Variants in RTN4RL2 observed in about 807,000 individuals in gnomAD.
The protein encoded by RTN4RL2 is reticulon-4 receptor-like 2.
RTN4RL2 carries 9 observed loss-of-function variants against 27.8 expected under a neutral mutation model. The observed-to-expected ratio is 0.32, with a 90% CI of 0.20 to 0.57. RTN4RL2 has a LOEUF of 0.57. RTN4RL2 is among the 20% of genes least tolerant of loss of function. RTN4RL2 has a pLI of 0.90. For synonymous variants in RTN4RL2, 285 were observed against 297.9 expected (o/e 0.96, Z 0.45); for missense variants, 436 against 596.8 (o/e 0.73, Z 2.81).
intron 1 of RTN4RL2, among the ~76,000 whole-genome samples, chr11:57,464,842 G>A (rs763836046): frequency 3.9e-5 from 6 of 152,302 alleles, no homozygotes; most frequent in South Asian, 2.1e-4. Context: ...TCCACCCCAC[G>A]TGGGTCTAAG....
At chr11:57,471,824 A>C (rs889849833) in intron 2 of RTN4RL2, among the ~76,000 whole-genome samples, 1 of 152,086 alleles carries the variant, frequency 6.6e-6, no homozygotes. Flanking sequence ...CATATTCCCT[A>C]CTCAAGTGTA....
Position 57,476,989 on chromosome 11 carries a change from C to A in RTN4RL2, c.*78C>A. ...CCGGGGCTGCGGCTCCGGCCCCAGT[C>A]GCCCCACCTTCCCTGGCCTTGCTGC... On this transcript the variant is annotated 3_prime_UTR_variant, in exon 3 of 3. Coordinates refer to ENST00000335099, the MANE Select transcript of RTN4RL2 (RefSeq NM_178570.3). This position sits in a 1 kb window ranked among gnomAD's most constrained non-coding sequence, Gnocchi z 8.2. 7.1e-7 allele frequency: 1 copy of A among 1,413,436 alleles called. No homozygotes were observed. Among genetic ancestry groups the A allele is most frequent in the Non-Finnish European group, 9.4e-7 (1 of 1,066,616 alleles). The allele number at this position is 1,413,436 out of a possible 1,614,324, so 87.6% of individuals were successfully genotyped here. A position where few individuals can be genotyped will look rare whatever the true frequency, so the allele number is the denominator to read the frequency against.
intron 1 of RTN4RL2, among the ~76,000 whole-genome samples, chr11:57,465,405 A>G (rs72925922): frequency 0.05 from 7,602 of 152,084 alleles, 258 homozygotes; most frequent in East Asian, 0.072. Context: ...AAAATCACCA[A>G]CCCCTCAGTC....
In RTN4RL2 at chr11:57,467,793, C is replaced by T; in HGVS notation, c.216C>T (p.Ile72=). 1 of 1,614,174 alleles carries T rather than the reference C, an allele frequency of 6.2e-7. No homozygotes were observed. The highest frequency in any genetic ancestry group is 8.5e-7 in the Non-Finnish European group (1 of 1,180,028). ...GACTCTTCCTGCAGAACAACCTCAT[C>T]CGCACGCTGCGGCCAGGCACCTTTG... ...TQRLFLQNNL[I]RTLRPGTFGS... Residue 72 remains isoleucine, a synonymous_variant, in exon 2 of 3, where the codon ATC becomes ATT. Transcript: ENST00000335099. This position sits in a 1 kb window ranked among gnomAD's most constrained non-coding sequence, Gnocchi z 5.5.
chr11:57,468,189 C>T (rs926208003), intron 2 of RTN4RL2, 99 bp downstream of exon 2: 16 of 1,260,988 alleles, frequency 1.3e-5, no homozygotes, highest in Non-Finnish European at 1.8e-5. Flanking sequence ...CCTCTCTCCC[C>T]AGGCCACCCT....
In RTN4RL2 at chr11:57,465,100, G is replaced by A. The variant is rs540940799; in HGVS notation, c.32-2509G>A. 3.9e-5 allele frequency among the ~76,000 whole-genome samples: 6 copies of A among 152,280 alleles called. 1 individual carries two copies. The highest frequency in any genetic ancestry group is 2.6e-4 in the Admixed American group (4 of 15,300). On this transcript the variant is annotated intron_variant, in intron 1 of 2. Coordinates refer to ENST00000335099, the MANE Select transcript of RTN4RL2 (RefSeq NM_178570.3). ...GACACTCACGGTGGGGCCCAAAAGCGAGGAGCAGCACACTGGGAGTGTGGA... is the reference window on the plus strand; with the variant it reads ...GACACTCACGGTGGGGCCCAAAAGCAAGGAGCAGCACACTGGGAGTGTGGA...
chr11:57,476,096 C>T lies in RTN4RL2; in HGVS notation c.514-66C>T. ...CCCCTTCCCTCCCCCGGCCAAGGCC[C>T]CAGCGGGGTCTGCACCCTACCTCAG... On this transcript the variant is annotated intron_variant, in intron 2 of 2. Transcript: ENST00000335099. This position sits in a 1 kb window ranked among gnomAD's most constrained non-coding sequence, Gnocchi z 8.2. 1 of 1,491,366 alleles carries T rather than the reference C, an allele frequency of 6.7e-7. No homozygotes were observed. The highest frequency in any genetic ancestry group is 9.1e-7 in the Non-Finnish European group (1 of 1,101,822). The allele number at this position is 1,491,366 out of a possible 1,614,324, so 92.4% of individuals were successfully genotyped here.
intron 2 of RTN4RL2, among the ~76,000 whole-genome samples, chr11:57,474,020 A>C (rs1435234546): frequency 6.7e-6 from 1 of 150,162 alleles, no homozygotes; most frequent in Non-Finnish European, 1.5e-5. Context: ...GGTGTGTCCT[A>C]CTCTTGCTGA....
chr11:57,469,144 A>G (rs1293680326), intron 2 of RTN4RL2, among the ~76,000 whole-genome samples: 1 of 152,202 alleles, frequency 6.6e-6, no homozygotes, highest in Non-Finnish European at 1.5e-5. Flanking sequence ...TGATGATGCT[A>G]ATGATAATAA....
chr11:57,473,550 G>A (rs1210875217), intron 2 of RTN4RL2, among the ~76,000 whole-genome samples: 1 of 140,042 alleles, frequency 7.1e-6, no homozygotes, highest in Non-Finnish European at 1.5e-5. Context: ...CTTTAGCAGA[G>A]GCTCTCAGCC....
intron 1 of RTN4RL2, among the ~76,000 whole-genome samples, chr11:57,461,547 G>A (rs1943485852): frequency 6.6e-6 from 1 of 151,692 alleles, no homozygotes; most frequent in African/African-American, 2.4e-5. Context: ...GGGAGGGGGA[G>A]AAGGAATAAA....
Position 57,471,864 on chromosome 11 carries a change from C to CT in RTN4RL2, c.513+3786dup, listed in dbSNP as rs201449503. 6.1e-3 allele frequency among the ~76,000 whole-genome samples: 894 copies of CT among 147,294 alleles called. 5 individuals are homozygous for CT. The highest frequency in any genetic ancestry group is 7.3e-3 in the African/African-American group (295 of 40,506). The stretch of plus-strand genomic sequence containing the variant: ...GATGATAAAGACACTTGTTTTCTTT[C>CT]TTTTTTTTTTTTGAGACGAAGTCTC... On this transcript the variant is annotated intron_variant, in intron 2 of 2. Transcript: ENST00000335099.
chr11:57,476,520 C>G lies in RTN4RL2; in HGVS notation c.872C>G (p.Pro291Arg), dbSNP rs1943597062. The change falls in exon 3 of 3, where the codon CCC (proline) becomes CGC (arginine). Residue 291 changes from proline (P) to arginine (R), a missense_variant. Coordinates refer to ENST00000335099, the MANE Select transcript of RTN4RL2 (RefSeq NM_178570.3). This position sits in a 1 kb window ranked among gnomAD's most constrained non-coding sequence, Gnocchi z 8.2. Reference sequence around the variant, plus strand: ...AGCTCCGACGTGACCTGCGCCACCCCCCCGGAGCGCCAGGGCCGAGACCTG... The same window carrying G: ...AGCTCCGACGTGACCTGCGCCACCCGCCCGGAGCGCCAGGGCCGAGACCTG... ...VSSSDVTCAT[P>R]PERQGRDLRA... 1 of 1,456,504 alleles carries G rather than the reference C, an allele frequency of 6.9e-7. No individual in the cohort carries two copies. Among genetic ancestry groups the G allele is most frequent in the Non-Finnish European group, 9.0e-7 (1 of 1,114,122 alleles). The allele number at this position is 1,456,504 out of a possible 1,614,324, so 90.2% of individuals were successfully genotyped here. A position where few individuals can be genotyped will look rare whatever the true frequency, so the allele number is the denominator to read the frequency against.
At chr11:57,470,575 T>TAAGGATTAAAATGTAAGGCATTTAGCAC (rs367874418) in intron 2 of RTN4RL2, among the ~76,000 whole-genome samples, 1 of 152,078 alleles carries the variant, frequency 6.6e-6, no homozygotes, top group South Asian at 2.1e-4. Flanking sequence ...AGAAGTTTTG[T>TAAGGATTAAAATGTAAGGCATTTAGCAC]AAGGATTAAA....
chr11:57,466,644 C>A (rs1474936466), intron 1 of RTN4RL2, among the ~76,000 whole-genome samples: 3 of 152,150 alleles, frequency 2.0e-5, no homozygotes, highest in Non-Finnish European at 4.4e-5. Flanking sequence ...GAGGCTCTGA[C>A]TCTGCAAGGG....
chr11:57,471,491 A>G (rs562355270), intron 2 of RTN4RL2, among the ~76,000 whole-genome samples: 1 of 152,318 alleles, frequency 6.6e-6, no homozygotes, highest in African/African-American at 2.4e-5. Context: ...TATAGAGGAG[A>G]TGGAAAACAC....
intron 2 of RTN4RL2, among the ~76,000 whole-genome samples, chr11:57,470,921 A>C (rs1331438103): frequency 6.6e-6 from 1 of 152,108 alleles, no homozygotes; most frequent in African/African-American, 2.4e-5. Context: ...TGTAAATAGG[A>C]AACGAGTTAG....
chr11:57,465,525 T>G (rs1180702572), intron 1 of RTN4RL2, among the ~76,000 whole-genome samples: 1 of 152,198 alleles, frequency 6.6e-6, no homozygotes, highest in Non-Finnish European at 1.5e-5. Context: ...GCAGAAGGTG[T>G]TCAGTCACTG....
At chr11:57,468,651 C>T (rs1230893156) in intron 2 of RTN4RL2, 83 of 1,536,152 alleles carry the variant, frequency 5.4e-5, no homozygotes, top group Non-Finnish European at 5.8e-5. Context: ...GAAGGCAGAG[C>T]CACAGCCACT....
Sources: gnomAD v4.1 joint callset for allele counts (sites outside exome capture counted in the v4.1 genomes callset) on GRCh38, gnomAD v4.1.1 for gene constraint, Gnocchi (gnomAD v3.1) non-coding constraint, MANE v1.5 for transcripts, NCBI Gene and HGNC (gene_info 2026-07-23, HGNC 2026-07-21) for gene names.